GRIP1: variants seen among roughly 807,000 people sequenced by gnomAD.
GRIP1 encodes glutamate receptor-interacting protein 1.
Under a neutral mutation model 129.9 loss-of-function variants are expected in GRIP1, and 45 were observed. The observed-to-expected ratio is 0.35, with a 90% CI of 0.27 to 0.44. The LOEUF is 0.44. GRIP1 is among the 20% of genes least tolerant of loss of function. GRIP1 has a pLI of 1.00. For missense variants in GRIP1, 1,196 were observed against 1,396.8 expected, an observed-to-expected ratio of 0.86 and a Z score of 2.29; for synonymous variants, 530 against 520.8, an observed-to-expected ratio of 1.02 and a Z score of -0.24.
At position 66,723,287 on chromosome 12, in the gene GRIP1, TCTTTCTTTCTTTC is replaced by T. The variant is rs2036138443; in HGVS notation, c.-420+80753_-420+80765del. On this transcript the variant is annotated intron_variant, in intron 1 of 4. Coordinates refer to the GRIP1 transcript ENST00000538373. ...TCCTTCCTTCCTTCCTTCCTTCCTT[TCTTTCTTTCTTTC>T]TTTCTTTTTTTTTTTTTTTTTTTTT... Among the ~76,000 whole-genome samples the T allele has an allele frequency of 1.5e-4, 2 of 13,384 alleles. 1 individual carries two copies. Among genetic ancestry groups the T allele is most frequent in the African/African-American group, 9.4e-4 (2 of 2,124 alleles). The allele number at this position is 13,384 out of a possible 152,430, so 8.8% of individuals were successfully genotyped here.
chr12:66,431,079 G>T (rs1408297155), intron 14 of GRIP1, among the ~76,000 whole-genome samples: 1 of 152,180 alleles, frequency 6.6e-6, no homozygotes, highest in Non-Finnish European at 1.5e-5. Context: ...AAACAAAAGA[G>T]AATAACCTTA....
At chr12:66,561,515 T>C (rs889075135) in intron 2 of GRIP1, among the ~76,000 whole-genome samples, 1 of 151,800 alleles carries the variant, frequency 6.6e-6, no homozygotes, top group African/African-American at 2.4e-5. Context: ...CTTAAAGAAA[T>C]AGAAAATTAT....
intron 1 of GRIP1, among the ~76,000 whole-genome samples, chr12:67,060,474 C>T (rs1425327954): frequency 6.6e-6 from 1 of 152,078 alleles, no homozygotes; most frequent in Non-Finnish European, 1.5e-5. Context: ...CTATAAGCAT[C>T]AGCAGTTTAC....
chr12:66,455,654 C>G (rs1409393288), intron 10 of GRIP1, 90 bp from the exon 11 acceptor site: 1 of 1,182,756 alleles, frequency 8.5e-7, no homozygotes, highest in African/African-American at 1.5e-5. Flanking sequence ...CAGAAAGACA[C>G]ACATGATGCA....
chr12:66,941,965 G>C (rs2041593650), intron 1 of GRIP1, among the ~76,000 whole-genome samples: 1 of 152,134 alleles, frequency 6.6e-6, no homozygotes, highest in Non-Finnish European at 1.5e-5. Context: ...CCCTGTTGCA[G>C]GCACTACCCA....
At chr12:66,741,916 C>T (rs1010287436) in intron 1 of GRIP1, among the ~76,000 whole-genome samples, 1 of 152,128 alleles carries the variant, frequency 6.6e-6, no homozygotes, top group African/African-American at 2.4e-5. Context: ...TTTTCTTTGC[C>T]AAGCACTGTT....
At chr12:66,800,430 A>G (rs903431790) in intron 1 of GRIP1, among the ~76,000 whole-genome samples, 1 of 152,170 alleles carries the variant, frequency 6.6e-6, no homozygotes, top group Non-Finnish European at 1.5e-5. Context: ...TTCATAAGAG[A>G]GAAACAAATT....
chr12:66,751,318 G>A (rs946919109), intron 1 of GRIP1, among the ~76,000 whole-genome samples: 1 of 152,146 alleles, frequency 6.6e-6, no homozygotes, highest in Admixed American at 6.6e-5. Flanking sequence ...TCGGTGAGTA[G>A]AGAAGCTAAG....
At chr12:66,689,971 T>C (rs2034921975) in intron 1 of GRIP1, among the ~76,000 whole-genome samples, 1 of 152,096 alleles carries the variant, frequency 6.6e-6, no homozygotes, top group Non-Finnish European at 1.5e-5. Context: ...CAGGCTAGAG[T>C]GCAGGGATGT....
intron 1 of GRIP1, among the ~76,000 whole-genome samples, chr12:66,901,799 C>T (rs571440363): frequency 1.3e-5 from 2 of 152,324 alleles, no homozygotes; most frequent in South Asian, 4.1e-4. Context: ...AGGGCAAAGA[C>T]CTGCTCTTAT....
intron 7 of GRIP1, among the ~76,000 whole-genome samples, chr12:66,478,897 G>C (rs66718779): frequency 0.26 from 40,122 of 151,896 alleles, 5,484 homozygotes; most frequent in Middle Eastern, 0.43. Flanking sequence ...AGCAATGGGG[G>C]AGGGATAGCA....
chr12:66,637,774 A>G lies in GRIP1; in HGVS notation c.56-40847T>C, dbSNP rs146155931. ...ACACAATTTTCCAGCATATCTGTCTATCATATGATAATGCAGGAGAGAGAG... is the reference window on the plus strand; with the variant it reads ...ACACAATTTTCCAGCATATCTGTCTGTCATATGATAATGCAGGAGAGAGAG... On this transcript the variant is annotated intron_variant, in intron 1 of 24. Transcript: ENST00000359742. Among the ~76,000 whole-genome samples, 36 of 152,256 alleles carry G rather than the reference A, an allele frequency of 2.4e-4. 1 individual carries two copies. Among genetic ancestry groups the G allele is most frequent in the African/African-American group, 8.2e-4 (34 of 41,558 alleles).
chr12:67,057,454 A>AAAC (rs1491581793), intron 1 of GRIP1, among the ~76,000 whole-genome samples: 1 of 149,708 alleles, frequency 6.7e-6, no homozygotes, highest in Non-Finnish European at 1.5e-5. Context: ...AAAAAAAAAA[A>AAAC]ACTCCTGTTG....
chr12:66,679,320 C>T (rs2034486564), upstream of GRIP1, among the ~76,000 whole-genome samples: 1 of 152,002 alleles, frequency 6.6e-6, no homozygotes, highest in Non-Finnish European at 1.5e-5. Context: ...CAGCCCCTTT[C>T]CTTCTCAGCA....
chr12:66,552,973 C>T (rs1372592924), intron 2 of GRIP1, among the ~76,000 whole-genome samples: 3 of 152,148 alleles, frequency 2.0e-5, no homozygotes, highest in African/African-American at 7.2e-5. Flanking sequence ...CACTGGAATT[C>T]AGAACTGGAG....
chr12:66,854,908 G>C (rs565310298), intron 1 of GRIP1, among the ~76,000 whole-genome samples: 31 of 152,088 alleles, frequency 2.0e-4, no homozygotes, highest in African/African-American at 6.7e-4. Context: ...TTTCACTATT[G>C]AGTTCATATC....
chr12:66,463,078 A>G lies in GRIP1; in HGVS notation c.888T>C (p.His296=), dbSNP rs1592368293. 6.2e-7 allele frequency: 1 copy of G among 1,613,846 alleles called. No individual in the cohort carries two copies. The highest frequency in any genetic ancestry group is 1.3e-5 in the African/African-American group (1 of 75,042). The change falls in exon 9 of 25, where the codon CAT becomes CAC. Residue 296 remains histidine (H), a synonymous_variant. Transcript: ENST00000359742. ...ASIADRCGAL[H]VGDHILSIDG... is the part of the protein sequence containing the mutation. ...CGATGGAGAGGATGTGATCTCCCAC[A>G]TGCAATGCGCCACATCTACGGAAAG... is the stretch of plus-strand genomic sequence containing the variant.
intron 15 of GRIP1, among the ~76,000 whole-genome samples, chr12:66,412,219 G>C (rs1234723536): frequency 6.6e-6 from 1 of 152,162 alleles, no homozygotes; most frequent in South Asian, 2.1e-4. Flanking sequence ...AAAATGTTAA[G>C]CATAGCCAGA....
intron 5 of GRIP1, among the ~76,000 whole-genome samples, chr12:66,524,864 A>C (rs1246499004): frequency 3.3e-5 from 5 of 152,176 alleles, no homozygotes; most frequent in Admixed American, 1.3e-4. Context: ...ACTGATCCCA[A>C]AGAAATACAA....
Sources: gnomAD v4.1 joint callset for allele counts (sites outside exome capture counted in the v4.1 genomes callset) on GRCh38, gnomAD v4.1.1 for gene constraint, MANE v1.5 for transcripts, NCBI Gene and HGNC (gene_info 2026-07-23, HGNC 2026-07-21) for gene names.